The following LIFR variants were observed in gnomAD, a reference collection of about 807,000 sequenced individuals.
The protein encoded by LIFR is LIF receptor subunit alpha, also known as leukemia inhibitory factor receptor.
In LIFR, 84 loss-of-function variants were observed where a neutral mutation model predicts 122.2. That is an observed-to-expected ratio of 0.69 (90% confidence interval 0.58 to 0.82). The LOEUF is 0.82. Among genes scored for constraint, LIFR ranks in the 40% least tolerant of loss-of-function variants. The pLI, the probability that LIFR is intolerant of heterozygous loss-of-function variation, is 0.00. For synonymous variants in LIFR, 422 were observed against 434.7 expected (o/e 0.97, Z 0.36); for missense variants, 1,294 against 1,311.6 (o/e 0.99, Z 0.21).
intron 17 of LIFR, 142 bp from the exon 18 acceptor site, chr5:38,485,010 T>G (rs1442417691): frequency 2.4e-5 from 16 of 653,170 alleles, no homozygotes; most frequent in Non-Finnish European, 4.5e-5. Context: ...GAAAAACTAT[T>G]AAAATCAAAC....
At chr5:38,578,208 T>TTTC (rs538498931) in intron 1 of LIFR, among the ~76,000 whole-genome samples, 361 of 6,124 alleles carry the variant, frequency 0.059, 1 homozygote, top group Non-Finnish European at 0.084. Context: ...TTTCTTTTTC[T>TTTC]TTTTTTTTTT....
At chr5:38,592,367 A>G (rs1291114421) in intron 1 of LIFR, among the ~76,000 whole-genome samples, 1 of 152,210 alleles carries the variant, frequency 6.6e-6, no homozygotes, top group East Asian at 1.9e-4. Context: ...TTTTAAGTAC[A>G]TTATGTAAGG....
rs1744509983 is a variant in LIFR, at chr5:38,490,237, T to TG, written c.2119dup (p.Gln707ProfsTer27). Reference sequence around the variant, plus strand: ...CATGGAGCGTAATAATTGATATCCTTGATTTCTGCATCCATACAGGAAAAA... The same window carrying TG: ...CATGGAGCGTAATAATTGATATCCTTGGATTTCTGCATCCATACAGGAAAAA... On this transcript the variant is annotated frameshift_variant, in exon 15 of 20. Transcript: ENST00000453190. LOFTEE classifies it high-confidence loss of function. The TG allele has an allele frequency of 6.3e-7, 1 of 1,588,114 alleles. No homozygotes were observed. Among genetic ancestry groups the TG allele is most frequent in the Non-Finnish European group, 8.6e-7 (1 of 1,158,722 alleles).
chr5:38,560,288 A>T (rs1308627953), upstream of LIFR, among the ~76,000 whole-genome samples: 1 of 152,154 alleles, frequency 6.6e-6, no homozygotes, highest in Admixed American at 6.5e-5. Context: ...AAATTGGTTT[A>T]TTTTTGAGCA....
chr5:38,556,211 C>A (rs544798056), intron 1 of LIFR, 123 bp downstream of exon 1: 1 of 152,136 alleles, frequency 6.6e-6, no homozygotes, highest in African/African-American at 2.4e-5. Flanking sequence ...GGGGTCACTC[C>A]CCTAGGACGC....
intron 1 of LIFR, among the ~76,000 whole-genome samples, chr5:38,572,987 T>G (rs1469993940): frequency 6.6e-6 from 1 of 152,216 alleles, no homozygotes; most frequent in East Asian, 1.9e-4. Context: ...TCTTTGTTTC[T>G]GTCACTCTCC....
At chr5:38,519,758 G>A (rs879018879) in intron 5 of LIFR, among the ~76,000 whole-genome samples, 1 of 152,090 alleles carries the variant, frequency 6.6e-6, no homozygotes, top group Non-Finnish European at 1.5e-5. Flanking sequence ...TTCGCTTAGC[G>A]TAGTGGCCTC....
intron 5 of LIFR, among the ~76,000 whole-genome samples, chr5:38,512,674 A>G (rs1009017669): frequency 5.9e-5 from 9 of 151,780 alleles, no homozygotes; most frequent in African/African-American, 2.2e-4. Flanking sequence ...AAATAACAAA[A>G]ATCCCAAGTC....
Position 38,528,386 on chromosome 5 carries a change from C to G in LIFR, c.257+340G>C, listed in dbSNP as rs1348483636. ...TCTTCAGCAAACTTTTCAGGCTCCCCCTTCTGGACTCACACTAAGACCGTC... is the reference window on the plus strand; with the variant it reads ...TCTTCAGCAAACTTTTCAGGCTCCCGCTTCTGGACTCACACTAAGACCGTC... On this transcript the variant is annotated intron_variant, in intron 3 of 19. Coordinates refer to ENST00000453190, the MANE Select transcript of LIFR (RefSeq NM_001127671.2). Among the ~76,000 whole-genome samples the G allele has an allele frequency of 3.3e-5, 5 of 152,248 alleles. No homozygotes were observed. The East Asian group carries it at 9.7e-4, about 29-fold the overall frequency.
intron 7 of LIFR, among the ~76,000 whole-genome samples, chr5:38,510,236 C>A (rs1016751995): frequency 6.6e-6 from 1 of 152,102 alleles, no homozygotes; most frequent in Non-Finnish European, 1.5e-5. Context: ...AATCTGATTA[C>A]AAAACCAACA....
upstream of LIFR, among the ~76,000 whole-genome samples, chr5:38,598,244 TA>T (rs1441227390): frequency 5.6e-3 from 190 of 34,156 alleles, no homozygotes; most frequent in African/African-American, 7.1e-3. Context: ...TTTATTTATT[TA>T]TTTTTTTTTT....
intron 5 of LIFR, among the ~76,000 whole-genome samples, chr5:38,520,978 A>T (rs777634176): frequency 6.6e-5 from 10 of 152,204 alleles, no homozygotes; most frequent in Non-Finnish European, 1.3e-4. Context: ...GGAAAATGAC[A>T]TTGGCATTTT....
intron 15 of LIFR, among the ~76,000 whole-genome samples, 166 bp downstream of exon 15, chr5:38,490,021 AGAG>A (rs1371406699): frequency 8.8e-4 from 124 of 140,274 alleles, no homozygotes; most frequent in African/African-American, 3.0e-3. Context: ...AAAAAAAAAA[AGAG>A]GAGGAGGAGA....
At chr5:38,534,005 G>A (rs1038406095) in intron 1 of LIFR, among the ~76,000 whole-genome samples, 4 of 152,180 alleles carry the variant, frequency 2.6e-5, no homozygotes, top group Admixed American at 6.5e-5. Flanking sequence ...CTGAACTACT[G>A]TAAAGGTAAA....
intron 7 of LIFR, among the ~76,000 whole-genome samples, chr5:38,509,596 A>G (rs909990212): frequency 2.6e-5 from 4 of 152,120 alleles, no homozygotes; most frequent in Non-Finnish European, 5.9e-5. Context: ...CTAAGGAATC[A>G]AAAGAAATAT....
chr5:38,576,079 C>T (rs1025884507), intron 1 of LIFR, among the ~76,000 whole-genome samples: 2 of 152,108 alleles, frequency 1.3e-5, no homozygotes, highest in Non-Finnish European at 2.9e-5. Flanking sequence ...ATACTAATGC[C>T]GTGGTTTAAT....
At chr5:38,529,545 T>G (rs1746885761) in intron 2 of LIFR, among the ~76,000 whole-genome samples, 3 of 151,916 alleles carry the variant, frequency 2.0e-5, no homozygotes, top group Admixed American at 6.6e-5. Context: ...TAGTACTTAC[T>G]CACATCTATA....
chr5:38,569,364 CCTGCTCAGCAGGAGGTGAGAAGCAGGAGG>C (rs1402772280), intron 1 of LIFR, among the ~76,000 whole-genome samples: 1 of 151,920 alleles, frequency 6.6e-6, no homozygotes, highest in Middle Eastern at 3.4e-3. Context: ...TGTTAGGAAC[CCTGCTCAGCAGGAGGTGAGAAGCAGGAGG>C]CTGCTCAGCA....
At chr5:38,563,366 A>G (rs757844380) in intron 1 of LIFR, among the ~76,000 whole-genome samples, 5 of 152,114 alleles carry the variant, frequency 3.3e-5, no homozygotes, top group Non-Finnish European at 5.9e-5. Context: ...AAAGAGAAAC[A>G]TAGCTGTGCA....
Sources: gnomAD v4.1 joint callset for allele counts (sites outside exome capture counted in the v4.1 genomes callset) on GRCh38, gnomAD v4.1.1 for gene constraint, MANE v1.5 for transcripts, NCBI Gene and HGNC (gene_info 2026-07-23, HGNC 2026-07-21) for gene names.